The following TBX18 variants were observed in gnomAD, a reference collection of about 807,000 sequenced individuals.
The protein encoded by TBX18 is T-box transcription factor 18.
A neutral mutation model predicts 55.0 loss-of-function variants in TBX18; 21 were observed. That is an observed-to-expected ratio of 0.38 (90% confidence interval 0.27 to 0.55). The LOEUF is 0.55. Ranked by LOEUF, TBX18 falls within the 20% of genes least tolerant of loss-of-function variation. The pLI is 0.73. For synonymous variants in TBX18, 342 were observed against 326.1 expected (o/e 1.05, Z -0.53); for missense variants, 840 against 799.6 (o/e 1.05, Z -0.61).
intron 5 of TBX18, among the ~76,000 whole-genome samples, chr6:84,746,527 G>C (rs910692092): frequency 1.9e-4 from 27 of 140,248 alleles, no homozygotes; most frequent in Non-Finnish European, 3.7e-4. Context: ...TAATATATTT[G>C]ATATATTAAA....
At chr6:84,754,604 A>C (rs1446798902) in intron 4 of TBX18, among the ~76,000 whole-genome samples, 2 of 152,204 alleles carry the variant, frequency 1.3e-5, no homozygotes, top group Admixed American at 6.5e-5. Flanking sequence ...ACTGAATTTC[A>C]TTTGTAATCT....
chr6:84,757,161 C>G (rs1767513205), intron 3 of TBX18, among the ~76,000 whole-genome samples: 1 of 152,174 alleles, frequency 6.6e-6, no homozygotes, highest in Non-Finnish European at 1.5e-5. Flanking sequence ...TCACCCTAGA[C>G]ATTCCATCTC....
chr6:84,738,754 T>C (rs1298549936), intron 6 of TBX18, among the ~76,000 whole-genome samples, 163 bp from the exon 7 acceptor site: 1 of 152,186 alleles, frequency 6.6e-6, no homozygotes, highest in African/African-American at 2.4e-5. Context: ...GCTTCAGCAA[T>C]GGGCTAACAT....
chr6:84,750,266 A>G (rs1767311056), intron 4 of TBX18, among the ~76,000 whole-genome samples: 2 of 148,708 alleles, frequency 1.3e-5, no homozygotes, highest in East Asian at 4.0e-4. Context: ...GCCTGGTGAC[A>G]GAGCGAGATT....
intron 4 of TBX18, among the ~76,000 whole-genome samples, chr6:84,753,001 T>G (rs1360271652): frequency 6.6e-6 from 1 of 152,180 alleles, no homozygotes; most frequent in Non-Finnish European, 1.5e-5. Context: ...AACATGTACA[T>G]GATGGGAAGG....
intron 6 of TBX18, chr6:84,742,618 A>G (rs1439039366): frequency 1.3e-5 from 2 of 152,114 alleles, no homozygotes; most frequent in Non-Finnish European, 1.5e-5. Flanking sequence ...ATATACAAGC[A>G]TGTGACCCCT....
At chr6:84,749,929 T>C (rs559038182) in intron 4 of TBX18, among the ~76,000 whole-genome samples, 1 of 152,198 alleles carries the variant, frequency 6.6e-6, no homozygotes, top group African/African-American at 2.4e-5. Flanking sequence ...TTGGTGAATA[T>C]AGATATTTTT....
chr6:84,764,279 G>A lies in TBX18; in HGVS notation c.-98C>T, dbSNP rs1767756905. 7.4e-7 allele frequency: 1 copy of A among 1,346,862 alleles called. No homozygotes were observed. Among genetic ancestry groups the A allele is most frequent in the Non-Finnish European group, 9.5e-7 (1 of 1,052,692 alleles). 83.4% of individuals were successfully genotyped at this position (1,346,862 alleles called of 1,614,324 possible). A position where few individuals can be genotyped will look rare whatever the true frequency, so the allele number is the denominator to read the frequency against. ...CCCCACCAAAAACTAAAAGGCTCTCGGGGCCTCCCGAGATCTGCCCCCTTC... is the reference window on the plus strand; with the variant it reads ...CCCCACCAAAAACTAAAAGGCTCTCAGGGCCTCCCGAGATCTGCCCCCTTC... On this transcript the variant is annotated 5_prime_UTR_variant, in exon 1 of 8. Coordinates refer to ENST00000369663, the MANE Select transcript of TBX18 (RefSeq NM_001080508.3).
intron 4 of TBX18, among the ~76,000 whole-genome samples, chr6:84,753,003 A>C (rs1562263362): frequency 6.6e-6 from 1 of 152,198 alleles, no homozygotes; most frequent in Non-Finnish European, 1.5e-5. Flanking sequence ...CATGTACATG[A>C]TGGGAAGGAA....
chr6:84,751,141 A>T (rs1209896108), intron 4 of TBX18, among the ~76,000 whole-genome samples: 2 of 152,252 alleles, frequency 1.3e-5, no homozygotes, highest in African/African-American at 4.8e-5. Flanking sequence ...ACTTTACATT[A>T]AACAAACAAA....
rs1767529255 is a variant in TBX18 at position 84,757,663 on chromosome 6, A to T, written c.600-794T>A. The stretch of plus-strand genomic sequence containing the variant: ...AATTAGGAAACAAAACATCCTTTCT[A>T]TTTCTTTACATGACAAATATATTGA... On this transcript the variant is annotated intron_variant, in intron 3 of 7. Coordinates refer to ENST00000369663, the MANE Select transcript of TBX18 (RefSeq NM_001080508.3). Among the ~76,000 whole-genome samples, 3 of 152,126 alleles carry T rather than the reference A, an allele frequency of 2.0e-5. No homozygotes were observed. The South Asian group carries it at 6.2e-4, about 32-fold the overall frequency.
In TBX18 at chr6:84,762,656, G is replaced by A. The variant is rs1217888091; in HGVS notation, c.385C>T (p.Pro129Ser). The change falls in exon 2 of 8, where the codon CCC becomes TCC. Residue 129 changes from proline (P) to serine (S), a missense_variant. Coordinates refer to ENST00000369663, the MANE Select transcript of TBX18 (RefSeq NM_001080508.3). ...KGSPARSLAR[P>S]GTPLPSPQAP... ...TGCGGCGAGGGCAGAGGGGTCCCGG[G>A]CCGGGCCAGGGAGCGCGCCGGAGAC... The A allele has an allele frequency of 1.9e-6, 3 of 1,610,938 alleles. No homozygotes were observed. The highest frequency in any genetic ancestry group is 1.7e-4 in the Middle Eastern group (1 of 5,912).
chr6:84,762,255 C>T (rs941892948), intron 2 of TBX18, among the ~76,000 whole-genome samples: 1 of 152,142 alleles, frequency 6.6e-6, no homozygotes, highest in African/African-American at 2.4e-5. Flanking sequence ...AATTTATAAC[C>T]GCCCTGAACG....
intron 6 of TBX18, among the ~76,000 whole-genome samples, chr6:84,740,469 A>G (rs1392084968): frequency 2.0e-5 from 3 of 152,172 alleles, no homozygotes; most frequent in Non-Finnish European, 2.9e-5. Context: ...ACCAGTCATC[A>G]TATCTGTGGC....
At chr6:84,748,826 C>T (rs574753695) in intron 4 of TBX18, among the ~76,000 whole-genome samples, 46 of 152,204 alleles carry the variant, frequency 3.0e-4, no homozygotes, top group African/African-American at 1.1e-3. Flanking sequence ...TGTACAAAGA[C>T]GGGCATCAGA....
chr6:84,763,088 G>T, intron 1 of TBX18: 1 of 425,004 alleles, frequency 2.4e-6, no homozygotes, highest in Non-Finnish European at 4.3e-6. Context: ...TGGGACGCTT[G>T]CCCGACGGAG....
chr6:84,763,778 T>C, intron 1 of TBX18, 112 bp downstream of exon 1: 1 of 1,418,506 alleles, frequency 7.0e-7, no homozygotes, highest in South Asian at 1.5e-5. Context: ...AATGCGCTAG[T>C]GGCTGAGTGG....
chr6:84,734,299 A>C lies in TBX18; in HGVS notation c.*2386T>G, dbSNP rs1011435170. ...AACACACCAAGAAATTACATTTAAC[A>C]CATGAAACATGAACAGCAGGCCCAT... On this transcript the variant is annotated 3_prime_UTR_variant, in exon 8 of 8. Transcript: ENST00000369663. 1.3e-5 allele frequency: 2 copies of C among 152,174 alleles called. No homozygotes were observed. The highest frequency in any genetic ancestry group is 2.9e-5 in the Non-Finnish European group (2 of 68,028). 9.4% of individuals were successfully genotyped at this position (152,174 alleles called of 1,614,324 possible).
rs1442394909 is a variant in TBX18, at chr6:84,763,910, T to G, written c.272A>C (p.Asp91Ala). 6.5e-6 allele frequency: 10 copies of G among 1,550,132 alleles called. No homozygotes were observed. In the South Asian group the frequency reaches 1.2e-4, roughly 18 times the overall value. The change falls in exon 1 of 8, where the codon GAC (aspartate) becomes GCC (alanine). Residue 91 changes from aspartate (D) to alanine (A), a missense_variant. Transcript: ENST00000369663. ...ATSGPARSGA[D>A]LERGAAGGCE... ...CTCACCCGCGGCTCCGCGCTCCAGG[T>G]CTGCGCCACTCCGAGCCGGCCCAGA...
Sources: gnomAD v4.1 joint callset for allele counts (sites outside exome capture counted in the v4.1 genomes callset) on GRCh38, gnomAD v4.1.1 for gene constraint, MANE v1.5 for transcripts, NCBI Gene and HGNC (gene_info 2026-07-23, HGNC 2026-07-21) for gene names.